MEX3B: variants seen among roughly 807,000 people sequenced by gnomAD.
MEX3B encodes mex-3 RNA binding family member B, also known as RNA-binding protein MEX3B.
A neutral mutation model predicts 12.2 loss-of-function variants in MEX3B; 10 were observed. The ratio of observed to expected loss-of-function variants is 0.82; its 90% CI spans 0.51 to 1.40. The LOEUF (loss-of-function observed/expected upper bound fraction) is 1.40, where lower values mean the gene tolerates loss of function less well. Among genes scored for constraint, MEX3B ranks in the 40% most tolerant of loss-of-function variants. The pLI is 0.00. For synonymous variants in MEX3B, 498 were observed against 356.3 expected, an observed-to-expected ratio of 1.40 and a Z score of -4.48; for missense variants, 839 against 801.4, an observed-to-expected ratio of 1.05 and a Z score of -0.57.
chr15:82,044,492 C>T lies in MEX3B; in HGVS notation c.378G>A (p.Glu126=), dbSNP rs748651957. The stretch of plus-strand genomic sequence containing the variant: ...AGAAGTGCTCGGCAGCAGAGATGAT[C>T]TCCCTCCGAGCCATGGCCACATCCT... The part of the protein sequence containing the change: ...RKEDVAMARR[E]IISAAEHFSM... Residue 126 remains glutamate, a synonymous_variant, in exon 2 of 2, where the codon GAG becomes GAA. Coordinates refer to ENST00000329713, the MANE Select transcript of MEX3B (RefSeq NM_032246.6). This position sits in a 1 kb window ranked among gnomAD's most constrained non-coding sequence, Gnocchi z 5.3. 3.1e-6 allele frequency: 5 copies of T among 1,614,074 alleles called. No individual in the cohort carries two copies. In the Admixed American group the frequency reaches 6.7e-5, roughly 22 times the overall value.
Position 82,044,806 on chromosome 15 carries a change from G to C in MEX3B, c.257-193C>G. Reference sequence around the variant, plus strand: ...GGGCTGGGCAGCGGATCCCACCCGCGAGGCGCTCGAGGAACAGCCCATTGG... The same window carrying C: ...GGGCTGGGCAGCGGATCCCACCCGCCAGGCGCTCGAGGAACAGCCCATTGG... On this transcript the variant is annotated intron_variant, in intron 1 of 1. Transcript: ENST00000329713. This position sits in a 1 kb window ranked among gnomAD's most constrained non-coding sequence, Gnocchi z 5.3. 3 of 625,738 alleles carry C rather than the reference G, an allele frequency of 4.8e-6. No homozygotes were observed. The highest frequency in any genetic ancestry group is 8.4e-6 in the Non-Finnish European group (3 of 355,288). The allele number at this position is 625,738 out of a possible 1,614,324, so 38.8% of individuals were successfully genotyped here.
At position 82,044,708 on chromosome 15, in the gene MEX3B, A is replaced by G; in HGVS notation, c.257-95T>C. 8.2e-7 allele frequency: 1 copy of G among 1,226,588 alleles called. No homozygotes were observed. Among genetic ancestry groups the G allele is most frequent in the South Asian group, 1.2e-5 (1 of 80,170 alleles). The allele number at this position is 1,226,588 out of a possible 1,614,324, so 76.0% of individuals were successfully genotyped here. On this transcript the variant is annotated intron_variant, in intron 1 of 1. Transcript: ENST00000329713. This position sits in a 1 kb window ranked among gnomAD's most constrained non-coding sequence, Gnocchi z 5.3. ...CGGGGACCGGGGACAGCCCGCGTCC[A>G]GGACAGCGAGACGGCAGGACAAGAG...
In MEX3B at chr15:82,042,268, T is replaced by C. The variant is rs2073224312; in HGVS notation, c.*892A>G. 2 of 152,564 alleles carry C rather than the reference T, an allele frequency of 1.3e-5. No individual in the cohort carries two copies. The highest frequency in any genetic ancestry group is 2.1e-4 in the South Asian group (1 of 4,830). 9.5% of individuals were successfully genotyped at this position (152,564 alleles called of 1,614,324 possible). A position where few individuals can be genotyped will look rare whatever the true frequency, so the allele number is the denominator to read the frequency against. On this transcript the variant is annotated 3_prime_UTR_variant, in exon 2 of 2. Transcript: ENST00000329713. ...CTGGGTGAAGCAGATCTAGAAGATT[T>C]GTCTGAACCTATAAAATCTCCATCC...
chr15:82,044,022 C>T lies in MEX3B; in HGVS notation c.848G>A (p.Ser283Asn), dbSNP rs1263460088. Residue 283 changes from serine to asparagine, a missense_variant, in exon 2 of 2, where the codon AGC becomes AAC. Physicochemically the swap from Ser to Asn is conservative, Grantham distance 46 (BLOSUM62 1). This residue lies in a region of MEX3B where 573 missense variants were observed against 488.9 expected (regional missense o/e 1.17). Coordinates refer to ENST00000329713, the MANE Select transcript of MEX3B (RefSeq NM_032246.6). This position sits in a 1 kb window ranked among gnomAD's most constrained non-coding sequence, Gnocchi z 5.3. ...TPTPGRKPFS[S>N]YRNDSSSSLG... ...CGAGCTGGAGCTGTCGTTGCGGTAGCTAGAGAAAGGCTTGCGGCCGGGGGT... is the reference window on the plus strand; with the variant it reads ...CGAGCTGGAGCTGTCGTTGCGGTAGTTAGAGAAAGGCTTGCGGCCGGGGGT... 6.2e-7 allele frequency: 1 copy of T among 1,607,804 alleles called. No homozygotes were observed. Among genetic ancestry groups the T allele is most frequent in the South Asian group, 1.1e-5 (1 of 91,012 alleles).
rs921880386 is a variant in MEX3B at position 82,043,862 on chromosome 15, G to A, written c.1008C>T (p.Asn336=). ...SFAHNGNNNN[N]GNGYTYTAGG... ...CCGCTGTGTAGGTGTACCCATTGCC[G>A]TTATTGTTATTGTTTCCGTTGTGCG... Residue 336 remains asparagine (N), a synonymous_variant, in exon 2 of 2, where the codon AAC becomes AAT. Coordinates refer to ENST00000329713, the MANE Select transcript of MEX3B (RefSeq NM_032246.6). The A allele has an allele frequency of 9.4e-6, 15 of 1,589,406 alleles. No individual in the cohort carries two copies. Among genetic ancestry groups the A allele is most frequent in the South Asian group, 6.9e-5 (6 of 87,314 alleles).
In MEX3B at chr15:82,044,007, C is replaced by T. The variant is rs2073239437; in HGVS notation, c.863G>A (p.Ser288Asn). Residue 288 changes from serine to asparagine, a missense_variant, in exon 2 of 2, where the codon AGC becomes AAC. Coordinates refer to ENST00000329713, the MANE Select transcript of MEX3B (RefSeq NM_032246.6). The surrounding 1 kb of genome is among the most constrained non-coding windows in gnomAD (Gnocchi z 5.3). ...RKPFSSYRNDSSSSLGSASTD... is the reference protein window; with the variant it reads ...RKPFSSYRNDNSSSLGSASTD... Reference sequence around the variant, plus strand: ...GGAAGCACTGCCAAGCGAGCTGGAGCTGTCGTTGCGGTAGCTAGAGAAAGG... The same window carrying T: ...GGAAGCACTGCCAAGCGAGCTGGAGTTGTCGTTGCGGTAGCTAGAGAAAGG... 1 of 1,608,296 alleles carries T rather than the reference C, an allele frequency of 6.2e-7. No individual in the cohort carries two copies. The highest frequency in any genetic ancestry group is 1.3e-5 in the African/African-American group (1 of 74,780).
Position 82,043,520 on chromosome 15 carries a change from C to T in MEX3B, c.1350G>A (p.Gly450=), listed in dbSNP as rs74875520. 2 of 1,515,796 alleles carry T rather than the reference C, an allele frequency of 1.3e-6. No individual in the cohort carries two copies. Among genetic ancestry groups the T allele is most frequent in the East Asian group, 2.4e-5 (1 of 41,028 alleles). The allele number at this position is 1,515,796 out of a possible 1,614,324, so 93.9% of individuals were successfully genotyped here. A position where few individuals can be genotyped will look rare whatever the true frequency, so the allele number is the denominator to read the frequency against. The change falls in exon 2 of 2, where the codon GGG becomes GGA. Residue 450 remains glycine (G), a synonymous_variant. Coordinates refer to ENST00000329713, the MANE Select transcript of MEX3B (RefSeq NM_032246.6). Reference sequence around the variant, plus strand: ...GGCGAGCCAGGTGGTGCTCTCCCGCCCCCGGGGCCATGTGCAAGGGTGGAG... The same window carrying T: ...GGCGAGCCAGGTGGTGCTCTCCCGCTCCCGGGGCCATGTGCAAGGGTGGAG... ...RLSPPLHMAP[G]AGEHHLARRV...
At position 82,044,192 on chromosome 15, in the gene MEX3B, A is replaced by G. The variant is rs763580058; in HGVS notation, c.678T>C (p.Ala226=). Residue 226 remains alanine (A), a synonymous_variant, in exon 2 of 2, where the codon GCT becomes GCC. Coordinates refer to ENST00000329713, the MANE Select transcript of MEX3B (RefSeq NM_032246.6). The surrounding 1 kb of genome is among the most constrained non-coding windows in gnomAD (Gnocchi z 5.3). ...GCTCAATGATGCCGCCGGTACGCAGAGCAATGTGCGCCTCAATCTCCTCTC... is the reference window on the plus strand; with the variant it reads ...GCTCAATGATGCCGCCGGTACGCAGGGCAATGTGCGCCTCAATCTCCTCTC... ...RAREEIEAHI[A]LRTGGIIELT... is the part of the protein sequence containing the mutation. The G allele has an allele frequency of 1.2e-6, 2 of 1,614,034 alleles. No individual in the cohort carries two copies. Among genetic ancestry groups the G allele is most frequent in the Non-Finnish European group, 1.7e-6 (2 of 1,180,034 alleles).
rs751269540 is a variant in MEX3B, at chr15:82,044,291, G to A, written c.579C>T (p.Tyr193=). The A allele has an allele frequency of 1.3e-5, 21 of 1,613,594 alleles. No homozygotes were observed. Among genetic ancestry groups the A allele is most frequent in the Non-Finnish European group, 1.5e-5 (18 of 1,180,040 alleles). ...CCTTATCCCGGCTGGGCGTCACGAT[G>A]TACGTGTGCGTCTGCTGCTGGATGC... ...IKRIQQQTHT[Y]IVTPSRDKEP... is the part of the protein sequence containing the mutation. Residue 193 remains tyrosine, a synonymous_variant, in exon 2 of 2, where the codon TAC becomes TAT. Coordinates refer to ENST00000329713, the MANE Select transcript of MEX3B (RefSeq NM_032246.6). This position sits in a 1 kb window ranked among gnomAD's most constrained non-coding sequence, Gnocchi z 5.3.
In MEX3B at chr15:82,044,652, G is replaced by T; in HGVS notation, c.257-39C>A. On this transcript the variant is annotated intron_variant, in intron 1 of 1. Coordinates refer to ENST00000329713, the MANE Select transcript of MEX3B (RefSeq NM_032246.6). The surrounding 1 kb of genome is among the most constrained non-coding windows in gnomAD (Gnocchi z 5.3). ...TGCGGAGGAGGGAGTGGGAGAGAGA[G>T]ACAGACACGCCCATTATCCTGGGGT... The T allele has an allele frequency of 6.2e-7, 1 of 1,601,920 alleles. No individual in the cohort carries two copies.
intron 1 of MEX3B, 47 bp downstream of exon 1, chr15:82,045,401 TGA>T: frequency 6.4e-7 from 1 of 1,567,820 alleles, no homozygotes; most frequent in Non-Finnish European, 8.6e-7. Flanking sequence ...GGCAGTGGCC[TGA>T]GACCCTACAC....
chr15:82,043,074 G>C lies in MEX3B; in HGVS notation c.*86C>G. The stretch of plus-strand genomic sequence containing the variant: ...GGAGAAGGGAGAGGGGGGGCACCCA[G>C]GGAGGCAGGCGAGCGCTGGGGAAAG... On this transcript the variant is annotated 3_prime_UTR_variant, in exon 2 of 2. Transcript: ENST00000329713. 1 of 1,248,170 alleles carries C rather than the reference G, an allele frequency of 8.0e-7. No homozygotes were observed. Among genetic ancestry groups the C allele is most frequent in the Non-Finnish European group, 1.0e-6 (1 of 962,426 alleles). The allele number at this position is 1,248,170 out of a possible 1,614,324, so 77.3% of individuals were successfully genotyped here.
rs1413749234 is a variant in MEX3B at position 82,043,056 on chromosome 15, G to A, written c.*104C>T. The A allele has an allele frequency of 2.9e-6, 3 of 1,027,792 alleles. No homozygotes were observed. The highest frequency in any genetic ancestry group is 3.9e-6 in the Non-Finnish European group (3 of 766,620). 63.7% of individuals were successfully genotyped at this position (1,027,792 alleles called of 1,614,324 possible). ...TGTTGGTGGGGCCGGGAAGGAGAAG[G>A]GAGAGGGGGGGCACCCAGGGAGGCA... On this transcript the variant is annotated 3_prime_UTR_variant, in exon 2 of 2. Coordinates refer to ENST00000329713, the MANE Select transcript of MEX3B (RefSeq NM_032246.6).
chr15:82,045,407 C>A, intron 1 of MEX3B, 43 bp downstream of exon 1: 1 of 1,576,324 alleles, frequency 6.3e-7, no homozygotes, highest in Non-Finnish European at 8.6e-7. Context: ...GGCCTGAGAC[C>A]CTACACCACC....
Position 82,042,949 on chromosome 15 carries a change from C to T in MEX3B, c.*211G>A, listed in dbSNP as rs2073228882. ...CTACAGTACTCTTGATGCAGATATC[C>T]TGGCAAATTCCTTTACTTAAAAATT... On this transcript the variant is annotated 3_prime_UTR_variant, in exon 2 of 2. Coordinates refer to ENST00000329713, the MANE Select transcript of MEX3B (RefSeq NM_032246.6). 1 of 417,648 alleles carries T rather than the reference C, an allele frequency of 2.4e-6. No homozygotes were observed. The highest frequency in any genetic ancestry group is 4.2e-6 in the Non-Finnish European group (1 of 239,960). 25.9% of individuals were successfully genotyped at this position (417,648 alleles called of 1,614,324 possible). A position where few individuals can be genotyped will look rare whatever the true frequency, so the allele number is the denominator to read the frequency against.
At position 82,043,347 on chromosome 15, in the gene MEX3B, G is replaced by C; in HGVS notation, c.1523C>G (p.Ser508Cys). ...GCGGCTGCCTTTACGCCGAAGCCCG[G>C]AGGAAGAGGATGAAGAGCTGGAGGA... ...SSSSSSSSSSSGLRRKGSRDC... is the reference protein window; with the variant it reads ...SSSSSSSSSSCGLRRKGSRDC... Residue 508 changes from serine (S) to cysteine (C), a missense_variant, in exon 2 of 2, where the codon TCC becomes TGC. Ser to Cys is a moderately radical substitution (Grantham distance 112). This residue lies in a region of MEX3B where 573 missense variants were observed against 488.9 expected (regional missense o/e 1.17). Transcript: ENST00000329713. 1 of 1,596,324 alleles carries C rather than the reference G, an allele frequency of 6.3e-7. No individual in the cohort carries two copies. Among genetic ancestry groups the C allele is most frequent in the Non-Finnish European group, 8.5e-7 (1 of 1,171,260 alleles).
rs1269805712 is a variant in MEX3B, at chr15:82,045,742, G to C, written c.-37C>G. 2 of 1,314,370 alleles carry C rather than the reference G, an allele frequency of 1.5e-6. No individual in the cohort carries two copies. The highest frequency in any genetic ancestry group is 1.9e-6 in the Non-Finnish European group (2 of 1,039,398). 81.4% of individuals were successfully genotyped at this position (1,314,370 alleles called of 1,614,324 possible). A position where few individuals can be genotyped will look rare whatever the true frequency, so the allele number is the denominator to read the frequency against. ...GCGCGCCGCGCCCCCGCCGGCCCTC[G>C]GCTCGGCGGCGAGAAGCTGCGGCCA... On this transcript the variant is annotated 5_prime_UTR_variant, in exon 1 of 2. Transcript: ENST00000329713.
chr15:82,043,219 C>G lies in MEX3B; in HGVS notation c.1651G>C (p.Glu551Gln). The G allele has an allele frequency of 6.3e-7, 1 of 1,580,952 alleles. No individual in the cohort carries two copies. Residue 551 changes from glutamate (E) to glutamine (Q), a missense_variant, in exon 2 of 2, where the codon GAG becomes CAG. Around this residue, in one of 3 missense-constraint regions of MEX3B, gnomAD observed 573 missense variants for 488.9 expected, o/e 1.17. Coordinates refer to ENST00000329713, the MANE Select transcript of MEX3B (RefSeq NM_032246.6). ...ECANRICEKSEPECPVCHTAV... is the reference protein window; with the variant it reads ...ECANRICEKSQPECPVCHTAV... Reference sequence around the variant, plus strand: ...GTGTGGCAGACCGGGCACTCGGGCTCGCTCTTCTCACAGATGCGATTGGCG... The same window carrying G: ...GTGTGGCAGACCGGGCACTCGGGCTGGCTCTTCTCACAGATGCGATTGGCG...
chr15:82,044,590 C>A lies in MEX3B; in HGVS notation c.280G>T (p.Ala94Ser). The A allele has an allele frequency of 2.5e-6, 4 of 1,614,160 alleles. No individual in the cohort carries two copies. Among genetic ancestry groups the A allele is most frequent in the Non-Finnish European group, 3.4e-6 (4 of 1,180,034 alleles). Residue 94 changes from alanine to serine, a missense_variant, in exon 2 of 2, where the codon GCG becomes TCG. Transcript: ENST00000329713. This position sits in a 1 kb window ranked among gnomAD's most constrained non-coding sequence, Gnocchi z 5.3. ...GTCTTGATGTAAGTATTGGTCTTCG[C>A]CCGCAGCGCTTTGATTTTACAACCT... ...RQGCKIKALR[A>S]KTNTYIKTPV...
Sources: allele counts gnomAD v4.1 joint callset, GRCh38; gene constraint gnomAD v4.1.1; regional missense constraint gnomAD v4.1.1; non-coding constraint Gnocchi (gnomAD v3.1); transcripts MANE v1.5; gene names NCBI Gene and HGNC (gene_info 2026-07-23, HGNC 2026-07-21).